Variants in CUX1 observed in about 807,000 individuals in gnomAD.
CUX1 encodes cut like homeobox 1, also known as protein CASP.
A neutral mutation model predicts 158.8 loss-of-function variants in CUX1; 31 were observed. The observed-to-expected ratio is 0.20, with a 90% confidence interval of 0.15 to 0.26. The LOEUF (loss-of-function observed/expected upper bound fraction) is 0.26, where lower values mean the gene tolerates loss of function less well. Among genes scored for constraint, CUX1 ranks in the 10% least tolerant of loss-of-function variants. CUX1 has a pLI of 1.00. For synonymous variants in CUX1, 879 were observed against 862.1 expected, an observed-to-expected ratio of 1.02 and a Z score of -0.34; for missense variants, 1,589 against 2,014.6, an observed-to-expected ratio of 0.79 and a Z score of 4.04.
At chr7:101,961,960 T>C (rs545595635) in intron 2 of CUX1, 8 of 150,984 alleles carry the variant, frequency 5.3e-5, no homozygotes, top group African/African-American at 1.7e-4. Context: ...GAAGTATATA[T>C]ACAGTATTAT....
At chr7:101,898,424 G>T (rs994747057) in intron 1 of CUX1, among the ~76,000 whole-genome samples, 1 of 152,126 alleles carries the variant, frequency 6.6e-6, no homozygotes. Context: ...GGCAGCCGCC[G>T]GGACGGGGAA....
intron 8 of CUX1, among the ~76,000 whole-genome samples, chr7:102,149,393 G>T (rs1049062940): frequency 2.0e-5 from 3 of 150,446 alleles, no homozygotes; most frequent in South Asian, 2.1e-4. Flanking sequence ...CAGGAAGGGG[G>T]TCCCTGCCCA....
At chr7:102,111,619 T>C (rs1554490078) in intron 6 of CUX1, 79 bp from the exon 7 acceptor site, 60 of 1,341,652 alleles carry the variant, frequency 4.5e-5, no homozygotes, top group Non-Finnish European at 5.9e-5. Flanking sequence ...GGGAGGGAGC[T>C]GAGCTCAGCC....
At chr7:102,242,678 GTA>G (rs1800351378) in intron 23 of CUX1, among the ~76,000 whole-genome samples, 2 of 152,156 alleles carry the variant, frequency 1.3e-5, no homozygotes, top group South Asian at 4.1e-4. Context: ...AGTTCCAAAA[GTA>G]TGTTCCCTGG....
chr7:102,075,479 G>A (rs954652611), intron 4 of CUX1, among the ~76,000 whole-genome samples: 12 of 152,190 alleles, frequency 7.9e-5, no homozygotes, highest in South Asian at 2.1e-4. Context: ...CTGTTTGGCC[G>A]AGAGACTGGT....
intron 1 of CUX1, among the ~76,000 whole-genome samples, chr7:101,848,032 T>G (rs1265936520): frequency 8.8e-6 from 1 of 114,164 alleles, no homozygotes; most frequent in Non-Finnish European, 1.6e-5. Context: ...CACTCCAGCC[T>G]GGGCAACAGA....
chr7:102,022,150 C>T (rs529215928), intron 2 of CUX1, among the ~76,000 whole-genome samples: 8 of 152,242 alleles, frequency 5.3e-5, no homozygotes, highest in South Asian at 2.1e-4. Flanking sequence ...TTACGACTCC[C>T]GCTCGTACGT....
At chr7:102,203,409 A>G (rs1554520282) in intron 18 of CUX1, among the ~76,000 whole-genome samples, 1 of 150,976 alleles carries the variant, frequency 6.6e-6, no homozygotes, top group Non-Finnish European at 1.5e-5. Flanking sequence ...CCTTCCACTC[A>G]GTGTTTGCCG....
rs1298039918 is a variant in CUX1, at chr7:102,249,786, A to T, written c.*744A>T. 3.0e-6 allele frequency: 3 copies of T among 985,688 alleles called. No homozygotes were observed. The highest frequency in any genetic ancestry group is 2.3e-4 in the East Asian group (2 of 8,834). The allele number at this position is 985,688 out of a possible 1,614,324, so 61.1% of individuals were successfully genotyped here. A position where few individuals can be genotyped will look rare whatever the true frequency, so the allele number is the denominator to read the frequency against. On this transcript the variant is annotated 3_prime_UTR_variant, in exon 24 of 24. Transcript: ENST00000292535. ...AACGACTCTAAACACACTAGTTTGG[A>T]TTCCTAAATATTTTCAAGAAAAGAA...
rs1801424792 is a variant in CUX1, at chr7:102,250,765, G to C, written c.*1723G>C. On this transcript the variant is annotated 3_prime_UTR_variant, in exon 24 of 24. Coordinates refer to ENST00000292535, the MANE Select transcript of CUX1 (RefSeq NM_181552.4). ...GTCTATGTGTATATGCGTGAGAATA[G>C]AGGCGGGTGAGAGTGTGCGTGCGTG... 1.0e-6 allele frequency: 1 copy of C among 985,318 alleles called. No homozygotes were observed. The highest frequency in any genetic ancestry group is 6.2e-5 in the Admixed American group (1 of 16,248). The allele number at this position is 985,318 out of a possible 1,614,324, so 61.0% of individuals were successfully genotyped here.
At chr7:102,027,472 A>G (rs1233689734) in intron 2 of CUX1, among the ~76,000 whole-genome samples, 1 of 152,214 alleles carries the variant, frequency 6.6e-6, no homozygotes, top group African/African-American at 2.4e-5. Context: ...ATTTTATTCT[A>G]AGCAGATTAT....
At chr7:102,264,476 G>A (rs1391410587) in intron 14 of CUX1, among the ~76,000 whole-genome samples, 1 of 152,196 alleles carries the variant, frequency 6.6e-6, no homozygotes, top group Non-Finnish European at 1.5e-5. Context: ...AGAGTGGGAG[G>A]CGATGAGGTC....
chr7:102,104,585 T>A, intron 6 of CUX1, 126 bp downstream of exon 6: 1 of 1,285,552 alleles, frequency 7.8e-7, no homozygotes. Flanking sequence ...CTATAAGGGG[T>A]AAAATGTTTC....
intron 1 of CUX1, among the ~76,000 whole-genome samples, chr7:101,895,908 GTT>G (rs869038068): frequency 2.1e-5 from 2 of 93,996 alleles, no homozygotes; most frequent in Non-Finnish European, 4.4e-5. Context: ...TTTTGTTTTT[GTT>G]TTTTTTTTTT....
chr7:102,125,454 G>GGCCA (rs1832527954), intron 8 of CUX1: 1 of 151,524 alleles, frequency 6.6e-6, no homozygotes, highest in Non-Finnish European at 1.5e-5. Flanking sequence ...CTCACCACGG[G>GGCCA]GAGTCCCTGG....
At chr7:102,043,618 A>AC (rs1450098827) in intron 3 of CUX1, among the ~76,000 whole-genome samples, 7 of 151,924 alleles carry the variant, frequency 4.6e-5, no homozygotes, top group Admixed American at 1.3e-4. Context: ...CATGTTTATT[A>AC]CCCATGTATT....
At chr7:102,105,372 T>C (rs1237000188) in intron 6 of CUX1, among the ~76,000 whole-genome samples, 1 of 152,166 alleles carries the variant, frequency 6.6e-6, no homozygotes, top group Non-Finnish European at 1.5e-5. Context: ...AGATTTCTAA[T>C]GACTTACATT....
chr7:101,945,196 G>A (rs896110951), intron 2 of CUX1, among the ~76,000 whole-genome samples: 6 of 152,054 alleles, frequency 3.9e-5, no homozygotes, highest in African/African-American at 1.4e-4. Context: ...CCTCAGGGCA[G>A]AGCCATGAGG....
At chr7:101,829,897 C>T (rs1053496635) in intron 1 of CUX1, among the ~76,000 whole-genome samples, 1 of 148,032 alleles carries the variant, frequency 6.8e-6, no homozygotes, top group Non-Finnish European at 1.5e-5. Flanking sequence ...ACTCACTATC[C>T]TCAGATGCCC....
Sources: gnomAD v4.1 joint callset for allele counts (sites outside exome capture counted in the v4.1 genomes callset) on GRCh38, gnomAD v4.1.1 for gene constraint, MANE v1.5 for transcripts, NCBI Gene and HGNC (gene_info 2026-07-23, HGNC 2026-07-21) for gene names.